KCNQ1: variants seen among roughly 807,000 people sequenced by gnomAD.
KCNQ1 encodes the protein potassium voltage-gated channel subfamily Q member 1.
KCNQ1 carries 49 observed loss-of-function variants against 72.4 expected under a neutral mutation model. The ratio of observed to expected loss-of-function variants is 0.68; its 90% confidence interval spans 0.54 to 0.86. The LOEUF (loss-of-function observed/expected upper bound fraction) is 0.86. Among genes scored for constraint, KCNQ1 ranks in the 40% least tolerant of loss-of-function variants. The probability of loss-of-function intolerance (pLI) is 0.00; values close to 1 mark genes in which losing one functional copy is unlikely to be tolerated. For synonymous variants in KCNQ1, 450 were observed against 412.6 expected (o/e 1.09, Z -1.10); for missense variants, 790 against 945.1 (o/e 0.84, Z 2.15).
intron 1 of KCNQ1, among the ~76,000 whole-genome samples, chr11:2,467,292 G>T (rs1846365860): frequency 6.6e-6 from 1 of 152,164 alleles, no homozygotes; most frequent in Non-Finnish European, 1.5e-5. Flanking sequence ...TTGGTGTCCG[G>T]CAGGGAGGCA....
At chr11:2,503,702 A>AAG (rs552388257) in intron 1 of KCNQ1, among the ~76,000 whole-genome samples, 339 of 152,330 alleles carry the variant, frequency 2.2e-3, no homozygotes, top group African/African-American at 7.6e-3. Context: ...ATAATAAAAA[A>AAG]ACAAATGACA....
intron 2 of KCNQ1, among the ~76,000 whole-genome samples, chr11:2,555,837 C>T (rs1181341624): frequency 6.6e-6 from 1 of 152,224 alleles, no homozygotes; most frequent in Non-Finnish European, 1.5e-5. Flanking sequence ...CAGGGGTAGG[C>T]TGATAGACCT....
Position 2,745,626 on chromosome 11 carries a change from G to A in KCNQ1, c.1515-23218G>A, listed in dbSNP as rs1846126220. Among the ~76,000 whole-genome samples the A allele has an allele frequency of 6.6e-6, 1 of 152,248 alleles. No individual in the cohort carries two copies. The highest frequency in any genetic ancestry group is 2.4e-5 in the African/African-American group (1 of 41,468). On this transcript the variant is annotated intron_variant, in intron 11 of 15. Coordinates refer to ENST00000155840, the MANE Select transcript of KCNQ1 (RefSeq NM_000218.3). This position sits in a 1 kb window ranked among gnomAD's most constrained non-coding sequence, Gnocchi z 6.2. ...TTCTTGCCTCATGTCTTCAGGTGCG[G>A]GGCTGGCAGAGGCTGGGGTTACCTG...
In KCNQ1 at chr11:2,498,030, T is replaced by C. The variant is rs770113737; in HGVS notation, c.387-29898T>C. Among the ~76,000 whole-genome samples, 1 of 152,222 alleles carries C rather than the reference T, an allele frequency of 6.6e-6. No homozygotes were observed. The highest frequency in any genetic ancestry group is 1.5e-5 in the Non-Finnish European group (1 of 68,030). On this transcript the variant is annotated intron_variant, in intron 1 of 15. Coordinates refer to ENST00000155840, the MANE Select transcript of KCNQ1 (RefSeq NM_000218.3). The surrounding 1 kb of genome is among the most constrained non-coding windows in gnomAD (Gnocchi z 4.8). The stretch of plus-strand genomic sequence containing the variant: ...CAGAACAGCAAAGATTGCTGCCTAC[T>C]CCTTCCTCTGGAAGCTTTGTCCCAG...
rs561590392 is a variant in KCNQ1, at chr11:2,645,439, C to A, written c.1394-16522C>A. 37 of 398,636 alleles carry A rather than the reference C, an allele frequency of 9.3e-5. No homozygotes were observed. Among genetic ancestry groups the A allele is most frequent in the African/African-American group, 7.6e-4 (37 of 48,736 alleles). The allele number at this position is 398,636 out of a possible 1,614,324, so 24.7% of individuals were successfully genotyped here. ...CTCCAGTAATGCAAGAATGTACTGA[C>A]TGTGGTAGGCAGGCACAGGAAGATC... On this transcript the variant is annotated intron_variant, in intron 10 of 15. Coordinates refer to ENST00000155840, the MANE Select transcript of KCNQ1 (RefSeq NM_000218.3). The surrounding 1 kb of genome is among the most constrained non-coding windows in gnomAD (Gnocchi z 5.8).
At chr11:2,644,351 TG>T in intron 10 of KCNQ1, 2 of 398,344 alleles carry the variant, frequency 5.0e-6, no homozygotes, top group Non-Finnish European at 4.4e-6. Context: ...TTCTGCTTGT[TG>T]TGGTCTGTTA....
chr11:2,591,528 TGGG>T, intron 10 of KCNQ1, among the ~76,000 whole-genome samples: 1 of 152,230 alleles, frequency 6.6e-6, no homozygotes, highest in African/African-American at 2.4e-5. Flanking sequence ...TCCATGCAAA[TGGG>T]GGCTTTCTGC....
chr11:2,470,616 T>C (rs1009079383), intron 1 of KCNQ1, among the ~76,000 whole-genome samples: 1 of 149,654 alleles, frequency 6.7e-6, no homozygotes, highest in Non-Finnish European at 1.5e-5. Context: ...ATGATACGTA[T>C]CCAACCGCAC....
rs1846385510 is a variant in KCNQ1 at position 2,468,383 on chromosome 11, G to A, written c.386+22899G>A. 6.6e-6 allele frequency among the ~76,000 whole-genome samples: 1 copy of A among 152,206 alleles called. No homozygotes were observed. The highest frequency in any genetic ancestry group is 1.5e-5 in the Non-Finnish European group (1 of 68,036). ...TCTAGTCTCAAGCTCCTGAGCTCAA[G>A]CGATCTGCCTGCCTCAGCCTCCCAA... is the stretch of plus-strand genomic sequence containing the variant. On this transcript the variant is annotated intron_variant, in intron 1 of 15. Coordinates refer to ENST00000155840, the MANE Select transcript of KCNQ1 (RefSeq NM_000218.3). The surrounding 1 kb of genome is among the most constrained non-coding windows in gnomAD (Gnocchi z 5.7).
chr11:2,497,407 C>T lies in KCNQ1; in HGVS notation c.387-30521C>T, dbSNP rs755756542. ...CTAATCTTGTCTGCATGCCTTATTTCGTTAAGTTGATCTTCAATCTCTGAT... is the reference window on the plus strand; with the variant it reads ...CTAATCTTGTCTGCATGCCTTATTTTGTTAAGTTGATCTTCAATCTCTGAT... On this transcript the variant is annotated intron_variant, in intron 1 of 15. Coordinates refer to ENST00000155840, the MANE Select transcript of KCNQ1 (RefSeq NM_000218.3). The surrounding 1 kb of genome is among the most constrained non-coding windows in gnomAD (Gnocchi z 4.5). Among the ~76,000 whole-genome samples, 3 of 152,100 alleles carry T rather than the reference C, an allele frequency of 2.0e-5. No individual in the cohort carries two copies. Among genetic ancestry groups the T allele is most frequent in the Admixed American group, 6.5e-5 (1 of 15,268 alleles).
At chr11:2,546,245 G>A (rs1388115125) in intron 2 of KCNQ1, among the ~76,000 whole-genome samples, 1 of 151,946 alleles carries the variant, frequency 6.6e-6, no homozygotes, top group Admixed American at 6.5e-5. Context: ...AACATTTAGG[G>A]ATTTTCAAGA....
Position 2,828,155 on chromosome 11 carries a change from C to T in KCNQ1, c.1795-19612C>T, listed in dbSNP as rs1847876271. On this transcript the variant is annotated intron_variant, in intron 15 of 15. Transcript: ENST00000155840. The surrounding 1 kb of genome is among the most constrained non-coding windows in gnomAD (Gnocchi z 5.3). Reference sequence around the variant, plus strand: ...ACGTGCAGAAAGGCACCCATGGGAACATGGCTCCTGGGAGCTGGAGGACCT... The same window carrying T: ...ACGTGCAGAAAGGCACCCATGGGAATATGGCTCCTGGGAGCTGGAGGACCT... 6.6e-6 allele frequency among the ~76,000 whole-genome samples: 1 copy of T among 152,186 alleles called. No homozygotes were observed. Among genetic ancestry groups the T allele is most frequent in the Non-Finnish European group, 1.5e-5 (1 of 68,028 alleles).
chr11:2,800,532 C>T (rs1218847110), intron 15 of KCNQ1, among the ~76,000 whole-genome samples: 3 of 152,210 alleles, frequency 2.0e-5, no homozygotes, highest in Non-Finnish European at 4.4e-5. Flanking sequence ...CTGTGTAGGG[C>T]CCAGGGAGTG....
intron 1 of KCNQ1, among the ~76,000 whole-genome samples, chr11:2,485,733 G>A (rs574060322): frequency 2.2e-4 from 33 of 151,964 alleles, no homozygotes; most frequent in African/African-American, 3.4e-4. Context: ...TTTACCTTTC[G>A]TCCCTATGGA....
In KCNQ1 at chr11:2,507,538, C is replaced by T. The variant is rs1056636084; in HGVS notation, c.387-20390C>T. On this transcript the variant is annotated intron_variant, in intron 1 of 15. Transcript: ENST00000155840. The surrounding 1 kb of genome is among the most constrained non-coding windows in gnomAD (Gnocchi z 5.4). ...AGAAAAGGATGCTGCTGGGACCCCT[C>T]GCACCTGGGAGGATGCACTTTCTGT... Among the ~76,000 whole-genome samples the T allele has an allele frequency of 1.2e-4, 18 of 152,230 alleles. No homozygotes were observed. Among genetic ancestry groups the T allele is most frequent in the African/African-American group, 3.9e-4 (16 of 41,538 alleles).
At chr11:2,667,152 G>GCCCTCAA (rs1850089872) in intron 11 of KCNQ1, 3 of 398,550 alleles carry the variant, frequency 7.5e-6, no homozygotes, top group Non-Finnish European at 8.8e-6. Context: ...GGAATCAGAT[G>GCCCTCAA]CCCTCAATCT....
chr11:2,823,361 A>G (rs888852049), intron 15 of KCNQ1, among the ~76,000 whole-genome samples: 2 of 152,238 alleles, frequency 1.3e-5, no homozygotes, highest in African/African-American at 4.8e-5. Flanking sequence ...ACATTTTCAG[A>G]TACTCAAGAA....
At chr11:2,649,212 A>G in intron 10 of KCNQ1, 1 of 398,216 alleles carries the variant, frequency 2.5e-6, no homozygotes, top group East Asian at 3.6e-5. Flanking sequence ...ACCTACATTC[A>G]AGATTGTTAT....
At position 2,816,745 on chromosome 11, in the gene KCNQ1, C is replaced by G. The variant is rs1384954597; in HGVS notation, c.1795-31022C>G. 1.3e-5 allele frequency among the ~76,000 whole-genome samples: 2 copies of G among 152,152 alleles called. No individual in the cohort carries two copies. Among genetic ancestry groups the G allele is most frequent in the Non-Finnish European group, 2.9e-5 (2 of 68,002 alleles). ...CACTGCCCTGGCTGGACTCCCTGCA[C>G]TGAACGCTCCTCCCAGCTCATGCTT... On this transcript the variant is annotated intron_variant, in intron 15 of 15. Transcript: ENST00000155840. The surrounding 1 kb of genome is among the most constrained non-coding windows in gnomAD (Gnocchi z 6.8).
Sources: allele counts gnomAD v4.1 joint callset (sites outside exome capture counted in the v4.1 genomes callset), GRCh38; gene constraint gnomAD v4.1.1; non-coding constraint Gnocchi (gnomAD v3.1); transcripts MANE v1.5; gene names NCBI Gene and HGNC (gene_info 2026-07-23, HGNC 2026-07-21).